LDLRAD3: variants seen among roughly 807,000 people sequenced by gnomAD.
The protein encoded by LDLRAD3 is low density lipoprotein receptor class A domain containing 3.
LDLRAD3 carries 20 observed loss-of-function variants against 29.4 expected under a neutral mutation model. That is an observed-to-expected ratio of 0.68 (90% CI 0.48 to 0.99). The LOEUF is 0.99. LDLRAD3 is among the 50% of genes least tolerant of loss of function. LDLRAD3 has a pLI of 0.00. For missense variants in LDLRAD3, 420 were observed against 454.3 expected, an observed-to-expected ratio of 0.92 and a Z score of 0.69; for synonymous variants, 157 against 192.7, an observed-to-expected ratio of 0.81 and a Z score of 1.53.
intron 1 of LDLRAD3, among the ~76,000 whole-genome samples, chr11:36,025,262 T>C (rs1004321798): frequency 1.3e-5 from 2 of 152,166 alleles, no homozygotes; most frequent in Non-Finnish European, 2.9e-5. Flanking sequence ...TTGTTCCTTA[T>C]AATAAAATTT....
intron 4 of LDLRAD3, among the ~76,000 whole-genome samples, chr11:36,170,458 A>C (rs1015020540): frequency 6.6e-6 from 1 of 152,024 alleles, no homozygotes; most frequent in Non-Finnish European, 1.5e-5. Context: ...TTGTGCTGCT[A>C]TAAACATGTA....
At chr11:35,995,877 T>G (rs1052280244) in intron 1 of LDLRAD3, among the ~76,000 whole-genome samples, 3 of 152,228 alleles carry the variant, frequency 2.0e-5, no homozygotes, top group African/African-American at 7.2e-5. Context: ...TCTCACCTCG[T>G]TAGCATTCTA....
chr11:36,206,591 G>C (rs1360791497), intron 4 of LDLRAD3, among the ~76,000 whole-genome samples: 1 of 152,168 alleles, frequency 6.6e-6, no homozygotes, highest in Non-Finnish European at 1.5e-5. Flanking sequence ...GGCCAGATGT[G>C]AACAGGAGGT....
At chr11:35,948,958 CT>C (rs1851096161) in intron 1 of LDLRAD3, among the ~76,000 whole-genome samples, 1 of 152,216 alleles carries the variant, frequency 6.6e-6, no homozygotes, top group Non-Finnish European at 1.5e-5. Context: ...TTGAGAACCC[CT>C]GGTCTAGCAT....
chr11:36,135,718 T>TG (rs1301820675), intron 4 of LDLRAD3, among the ~76,000 whole-genome samples: 1 of 152,172 alleles, frequency 6.6e-6, no homozygotes, highest in Non-Finnish European at 1.5e-5. Context: ...AACACCAGCC[T>TG]GGCCAACATG....
intron 4 of LDLRAD3, among the ~76,000 whole-genome samples, chr11:36,215,566 G>A (rs977268924): frequency 1.3e-5 from 2 of 152,150 alleles, no homozygotes; most frequent in Non-Finnish European, 2.9e-5. Flanking sequence ...TGCTCATCCT[G>A]CCTGCACTGG....
At chr11:35,989,285 T>C (rs1851658492) in intron 1 of LDLRAD3, among the ~76,000 whole-genome samples, 1 of 152,224 alleles carries the variant, frequency 6.6e-6, no homozygotes, top group African/African-American at 2.4e-5. Context: ...CCCTATAGTA[T>C]AGTTTGAAGT....
intron 3 of LDLRAD3, among the ~76,000 whole-genome samples, chr11:36,088,772 A>G (rs904009640): frequency 1.3e-5 from 2 of 152,172 alleles, no homozygotes; most frequent in Non-Finnish European, 2.9e-5. Flanking sequence ...AGACTCTCAC[A>G]TGACTGGTTT....
At chr11:36,000,048 C>T (rs150216856) in intron 1 of LDLRAD3, among the ~76,000 whole-genome samples, 2,633 of 152,062 alleles carry the variant, frequency 0.017, 39 homozygotes, top group Non-Finnish European at 0.03. Flanking sequence ...TATCCAGCAA[C>T]GAAAATGAAT....
intron 1 of LDLRAD3, among the ~76,000 whole-genome samples, chr11:36,015,201 G>T (rs1305434028): frequency 2.0e-5 from 3 of 152,208 alleles, no homozygotes; most frequent in Non-Finnish European, 4.4e-5. Context: ...GGTTTATCAG[G>T]GTGTGGCTCG....
At chr11:36,115,178 TG>T (rs917400848) in intron 4 of LDLRAD3, among the ~76,000 whole-genome samples, 4 of 152,220 alleles carry the variant, frequency 2.6e-5, no homozygotes, top group African/African-American at 9.6e-5. Flanking sequence ...CACCCCTGGC[TG>T]CTTCAGCCAC....
intron 4 of LDLRAD3, among the ~76,000 whole-genome samples, chr11:36,167,491 GGACACAGA>G (rs57189512): frequency 0.8 from 120,755 of 151,350 alleles, 50,352 homozygotes; most frequent in Non-Finnish European, 0.92. Flanking sequence ...AAGGAATTTT[GGACACAGA>G]GACACAGACT....
chr11:36,069,860 C>G (rs931808377), intron 2 of LDLRAD3, among the ~76,000 whole-genome samples: 1 of 152,122 alleles, frequency 6.6e-6, no homozygotes, highest in Non-Finnish European at 1.5e-5. Flanking sequence ...AGGTGCGACA[C>G]AGAGTTTGTG....
chr11:36,118,301 G>A (rs1853701851), intron 4 of LDLRAD3, among the ~76,000 whole-genome samples: 1 of 152,176 alleles, frequency 6.6e-6, no homozygotes. Flanking sequence ...GGCAAGAACT[G>A]CGAATGGGAA....
chr11:36,139,280 C>T (rs1489437374), intron 4 of LDLRAD3, among the ~76,000 whole-genome samples: 1 of 152,228 alleles, frequency 6.6e-6, no homozygotes, highest in Non-Finnish European at 1.5e-5. Flanking sequence ...TGGGGGCAGA[C>T]CCAACTTAAC....
At chr11:35,965,344 T>A (rs1209996739) in intron 1 of LDLRAD3, among the ~76,000 whole-genome samples, 1 of 152,236 alleles carries the variant, frequency 6.6e-6, no homozygotes, top group African/African-American at 2.4e-5. Flanking sequence ...GTGCCTTCAT[T>A]TTCTACTTTT....
intron 1 of LDLRAD3, among the ~76,000 whole-genome samples, chr11:35,956,804 C>T (rs1057063291): frequency 6.6e-6 from 1 of 152,134 alleles, no homozygotes; most frequent in African/African-American, 2.4e-5. Context: ...GGTGCAATCT[C>T]GGCTCACTGC....
chr11:36,205,888 G>A lies in LDLRAD3; in HGVS notation c.455-21197G>A, dbSNP rs1020726041. 1.3e-4 allele frequency among the ~76,000 whole-genome samples: 20 copies of A among 152,170 alleles called. 1 individual carries two copies. ...TAGAATATTAATTGACATGAATCTT[G>A]TTTATGCTCCTGCCTGGAAGTTCCT... On this transcript the variant is annotated intron_variant, in intron 4 of 5. Transcript: ENST00000315571.
In LDLRAD3 at chr11:36,229,945, G is replaced by T. The variant is rs1297803006; in HGVS notation, c.*548G>T. The T allele has an allele frequency of 6.5e-6, 1 of 152,720 alleles. No individual in the cohort carries two copies. Among genetic ancestry groups the T allele is most frequent in the Non-Finnish European group, 1.5e-5 (1 of 68,476 alleles). 9.5% of individuals were successfully genotyped at this position (152,720 alleles called of 1,614,324 possible). ...CAGTTCAGCAGAGTCAGTGGCCAAA[G>T]AAAACTTTGGACGTGAGTAACACCC... On this transcript the variant is annotated 3_prime_UTR_variant, in exon 6 of 6. Coordinates refer to ENST00000315571, the MANE Select transcript of LDLRAD3 (RefSeq NM_174902.4).
Sources: gnomAD v4.1 joint callset for allele counts (sites outside exome capture counted in the v4.1 genomes callset) on GRCh38, gnomAD v4.1.1 for gene constraint, MANE v1.5 for transcripts, NCBI Gene and HGNC (gene_info 2026-07-23, HGNC 2026-07-21) for gene names.